TEX48: variants seen among roughly 807,000 people sequenced by gnomAD.
TEX48 encodes the protein testis-expressed protein 48.
A neutral mutation model predicts 13.2 loss-of-function variants in TEX48; 10 were observed. The ratio of observed to expected loss-of-function variants is 0.75; its 90% CI spans 0.47 to 1.28. TEX48 has a LOEUF of 1.28. Among genes scored for constraint, TEX48 ranks in the 50% most tolerant of loss-of-function variants. The probability of loss-of-function intolerance (pLI) is 0.00; values close to 1 mark genes in which losing one functional copy is unlikely to be tolerated. For missense variants in TEX48, 116 were observed against 139.4 expected (o/e 0.83, Z 0.84); for synonymous variants, 45 against 52.3 (o/e 0.86, Z 0.60).
At chr9:114,678,126 T>G (rs1828110868) in intron 1 of TEX48, among the ~76,000 whole-genome samples, 1 of 152,140 alleles carries the variant, frequency 6.6e-6, no homozygotes, top group Non-Finnish European at 1.5e-5. Flanking sequence ...CAAACATAAA[T>G]AGAAGGCTTC....
At chr9:114,672,190 C>T (rs1272056025) in intron 1 of TEX48, among the ~76,000 whole-genome samples, 1 of 152,120 alleles carries the variant, frequency 6.6e-6, no homozygotes, top group African/African-American at 2.4e-5. Context: ...TTCCAATGAT[C>T]CCAGCTGGTC....
At chr9:114,679,148 CCTTT>C (rs772148109) in intron 1 of TEX48, among the ~76,000 whole-genome samples, 3 of 151,534 alleles carry the variant, frequency 2.0e-5, no homozygotes, top group Non-Finnish European at 4.4e-5. Context: ...TAAAAGGAGC[CCTTT>C]CTTTATGCAA....
intron 1 of TEX48, among the ~76,000 whole-genome samples, chr9:114,674,702 G>C (rs1475709305): frequency 1.5e-5 from 2 of 137,450 alleles, no homozygotes; most frequent in African/African-American, 5.5e-5. Flanking sequence ...TCTCTTTCTT[G>C]ACAGGGTCTA....
intron 1 of TEX48, among the ~76,000 whole-genome samples, chr9:114,678,605 T>G (rs941833838): frequency 6.6e-6 from 1 of 152,120 alleles, no homozygotes; most frequent in Non-Finnish European, 1.5e-5. Flanking sequence ...ATCCCAGCAC[T>G]TTGGGAGGCT....
chr9:114,668,686 T>C (rs531769750), intron 3 of TEX48, among the ~76,000 whole-genome samples: 2 of 152,328 alleles, frequency 1.3e-5, no homozygotes, highest in African/African-American at 4.8e-5. Flanking sequence ...GCATACGCTT[T>C]ATAGAAAAGT....
intron 1 of TEX48, among the ~76,000 whole-genome samples, chr9:114,677,635 C>G (rs1810530761): frequency 6.6e-6 from 1 of 152,124 alleles, no homozygotes; most frequent in South Asian, 2.1e-4. Context: ...TGAGTCAGCC[C>G]TGAGTGTCTG....
chr9:114,680,897 T>G (rs1212233879), intron 1 of TEX48, among the ~76,000 whole-genome samples: 1 of 152,202 alleles, frequency 6.6e-6, no homozygotes, highest in Admixed American at 6.5e-5. Context: ...CACTGCTGCC[T>G]CTGAAACACC....
intron 1 of TEX48, among the ~76,000 whole-genome samples, chr9:114,675,456 C>G (rs1441775510): frequency 6.6e-6 from 1 of 152,194 alleles, no homozygotes. Context: ...TCTCTAGAGT[C>G]AGAAGCCTGC....
At chr9:114,669,825 C>A (rs1272821035) in intron 3 of TEX48, among the ~76,000 whole-genome samples, 1 of 152,196 alleles carries the variant, frequency 6.6e-6, no homozygotes. Context: ...AGTTATCCTC[C>A]TGCCCCTCAA....
At chr9:114,678,968 G>C (rs1280717164) in intron 1 of TEX48, among the ~76,000 whole-genome samples, 1 of 151,968 alleles carries the variant, frequency 6.6e-6, no homozygotes, top group African/African-American at 2.4e-5. Context: ...GGACTTGAGA[G>C]GGTAAGAAAA....
At chr9:114,673,471 CAAA>C (rs745988049) in intron 1 of TEX48, among the ~76,000 whole-genome samples, 1 of 107,254 alleles carries the variant, frequency 9.3e-6, no homozygotes. Flanking sequence ...AACTCTGTCT[CAAA>C]AAAAAAAAAA....
intron 1 of TEX48, among the ~76,000 whole-genome samples, chr9:114,674,924 G>A (rs1405562335): frequency 6.7e-6 from 1 of 149,772 alleles, no homozygotes; most frequent in Admixed American, 6.7e-5. Context: ...TCCCATGTTG[G>A]CCTCCCAAAG....
chr9:114,666,742 C>A lies in TEX48; in HGVS notation c.264G>T (p.Leu88=). The A allele has an allele frequency of 1.3e-6, 2 of 1,512,504 alleles. No homozygotes were observed. Among genetic ancestry groups the A allele is most frequent in the South Asian group, 2.4e-5 (2 of 83,326 alleles). The allele number at this position is 1,512,504 out of a possible 1,614,324, so 93.7% of individuals were successfully genotyped here. A position where few individuals can be genotyped will look rare whatever the true frequency, so the allele number is the denominator to read the frequency against. The part of the protein sequence containing the change: ...TSSSSSEFED[L]NAYASQRNFY... ...AATTTCTTTGGGAAGCATATGCATT[C>A]AGATCTGAAAGAAGAAAGGAAAAAA... is the stretch of plus-strand genomic sequence containing the variant. The change falls in exon 5 of 5, where the codon CTG becomes CTT. Residue 88 remains leucine (L), a synonymous_variant. Coordinates refer to ENST00000436752, the MANE Select transcript of TEX48 (RefSeq NM_001199233.2).
At chr9:114,667,993 C>G (rs1209723788) in intron 4 of TEX48, among the ~76,000 whole-genome samples, 2 of 151,708 alleles carry the variant, frequency 1.3e-5, no homozygotes, top group East Asian at 3.9e-4. Context: ...CCTGCTCCTT[C>G]TCATGCACTT....
In TEX48 at chr9:114,666,500, G is replaced by A; in HGVS notation, c.*143C>T. 3 of 558,898 alleles carry A rather than the reference G, an allele frequency of 5.4e-6. No homozygotes were observed. Among genetic ancestry groups the A allele is most frequent in the East Asian group, 3.0e-5 (1 of 33,062 alleles). The allele number at this position is 558,898 out of a possible 1,614,324, so 34.6% of individuals were successfully genotyped here. A position where few individuals can be genotyped will look rare whatever the true frequency, so the allele number is the denominator to read the frequency against. On this transcript the variant is annotated 3_prime_UTR_variant, in exon 5 of 5. Coordinates refer to ENST00000436752, the MANE Select transcript of TEX48 (RefSeq NM_001199233.2). ...ATGGTGGCTTTTTAGGAGCTGGAGT[G>A]ACTCTTGCTTGGTGGCACAAGGATG... is the stretch of plus-strand genomic sequence containing the variant.
In TEX48 at chr9:114,666,549, AG is replaced by A; in HGVS notation, c.*93del. ...TGGCTCAGATGTCTTCTCCTCCTTC[AG>A]GGGAGTTTCCGAATTAGTCTTCATG... is the stretch of plus-strand genomic sequence containing the variant. On this transcript the variant is annotated 3_prime_UTR_variant, in exon 5 of 5. Transcript: ENST00000436752. The A allele has an allele frequency of 1.5e-6, 1 of 682,966 alleles. No homozygotes were observed. Among genetic ancestry groups the A allele is most frequent in the Non-Finnish European group, 2.4e-6 (1 of 416,158 alleles). 42.3% of individuals were successfully genotyped at this position (682,966 alleles called of 1,614,324 possible).
At chr9:114,670,093 A>G (rs1225826549) in intron 3 of TEX48, among the ~76,000 whole-genome samples, 10 of 152,286 alleles carry the variant, frequency 6.6e-5, no homozygotes, top group Admixed American at 5.9e-4. Context: ...GCTATGCTCA[A>G]TTTGAATACT....
chr9:114,681,840 G>T (rs1211422672), intron 1 of TEX48, among the ~76,000 whole-genome samples, 195 bp downstream of exon 1: 1 of 147,994 alleles, frequency 6.8e-6, no homozygotes, highest in African/African-American at 2.5e-5. Flanking sequence ...GCGGGGGTGG[G>T]GGAGGTCATT....
intron 1 of TEX48, among the ~76,000 whole-genome samples, 194 bp downstream of exon 1, chr9:114,681,841 G>A: frequency 6.9e-6 from 1 of 145,302 alleles, no homozygotes. Context: ...CGGGGGTGGG[G>A]GAGGTCATTC....
Sources: allele counts gnomAD v4.1 joint callset (sites outside exome capture counted in the v4.1 genomes callset), GRCh38; gene constraint gnomAD v4.1.1; transcripts MANE v1.5; gene names NCBI Gene and HGNC (gene_info 2026-07-23, HGNC 2026-07-21).